PRKCE: variants seen among roughly 807,000 people sequenced by gnomAD.
PRKCE encodes protein kinase C epsilon.
Under a neutral mutation model 85.4 loss-of-function variants are expected in PRKCE, and 16 were observed. The observed-to-expected ratio is 0.19, with a 90% confidence interval of 0.13 to 0.28. PRKCE has a LOEUF of 0.28. Ranked by LOEUF, PRKCE falls within the 10% of genes least tolerant of loss-of-function variation. PRKCE has a pLI of 1.00. For missense variants in PRKCE, 573 were observed against 975.2 expected, an observed-to-expected ratio of 0.59 and a Z score of 5.49; for synonymous variants, 388 against 371.5, an observed-to-expected ratio of 1.04 and a Z score of -0.51.
intron 1 of PRKCE, among the ~76,000 whole-genome samples, chr2:45,723,370 T>C (rs1034693227): frequency 1.3e-5 from 2 of 152,170 alleles, no homozygotes; most frequent in African/African-American, 4.8e-5. Flanking sequence ...GTAATAAGCC[T>C]CAGGAGGCTT....
At chr2:45,752,439 C>T (rs1464798837) in intron 1 of PRKCE, among the ~76,000 whole-genome samples, 1 of 152,166 alleles carries the variant, frequency 6.6e-6, no homozygotes, top group African/African-American at 2.4e-5. Context: ...ATCGCCCTCC[C>T]TCCCCTCCCC....
chr2:45,928,395 G>A (rs1020314033), intron 2 of PRKCE, among the ~76,000 whole-genome samples: 1 of 152,188 alleles, frequency 6.6e-6, no homozygotes, highest in African/African-American at 2.4e-5. Context: ...AGCTTCCCGA[G>A]TAGCTGGGAT....
chr2:46,032,898 G>T (rs1034033883), intron 10 of PRKCE, among the ~76,000 whole-genome samples: 1 of 152,146 alleles, frequency 6.6e-6, no homozygotes, highest in Non-Finnish European at 1.5e-5. Context: ...TCAACTGTGA[G>T]AAAAGAGCTC....
chr2:45,981,892 T>C (rs892698772), intron 5 of PRKCE, among the ~76,000 whole-genome samples: 15 of 152,228 alleles, frequency 9.9e-5, no homozygotes, highest in African/African-American at 3.6e-4. Flanking sequence ...CTGCACTTTT[T>C]TGGAGGGAAA....
chr2:45,839,154 G>A (rs970308658), intron 1 of PRKCE, among the ~76,000 whole-genome samples: 1 of 151,822 alleles, frequency 6.6e-6, no homozygotes, highest in African/African-American at 2.4e-5. Flanking sequence ...TTTAACTAAG[G>A]TAAGGTGCCA....
At chr2:46,179,884 C>A (rs1679799208) in intron 14 of PRKCE, among the ~76,000 whole-genome samples, 1 of 152,166 alleles carries the variant, frequency 6.6e-6, no homozygotes, top group African/African-American at 2.4e-5. Context: ...CAAAACACCC[C>A]CTGACAGCAC....
Position 45,652,520 on chromosome 2 carries a change from A to G in PRKCE, c.348+72A>G. On this transcript the variant is annotated intron_variant, in intron 1 of 14. Transcript: ENST00000306156. The surrounding 1 kb of genome is among the most constrained non-coding windows in gnomAD (Gnocchi z 7.7). ...CCCGGGGAAAGACTCGCTGGTCTTGATCGTAGGGCTCCGGGACTTATTGAC... is the reference window on the plus strand; with the variant it reads ...CCCGGGGAAAGACTCGCTGGTCTTGGTCGTAGGGCTCCGGGACTTATTGAC... 1 of 1,384,254 alleles carries G rather than the reference A, an allele frequency of 7.2e-7. No individual in the cohort carries two copies. The highest frequency in any genetic ancestry group is 1.4e-5 in the South Asian group (1 of 73,180). 85.7% of individuals were successfully genotyped at this position (1,384,254 alleles called of 1,614,324 possible). A position where few individuals can be genotyped will look rare whatever the true frequency, so the allele number is the denominator to read the frequency against.
rs1428533345 is a variant in PRKCE at position 45,907,515 on chromosome 2, T to C, written c.412+64452T>C. On this transcript the variant is annotated intron_variant, in intron 2 of 14. Transcript: ENST00000306156. The surrounding 1 kb of genome is among the most constrained non-coding windows in gnomAD (Gnocchi z 4.5). The stretch of plus-strand genomic sequence containing the variant: ...ACGAAGCACACTTCTGAGGGCGTCA[T>C]CGCAGGCCCTGTTCATCTCTCCGGG... Among the ~76,000 whole-genome samples, 1 of 152,236 alleles carries C rather than the reference T, an allele frequency of 6.6e-6. No individual in the cohort carries two copies. Among genetic ancestry groups the C allele is most frequent in the African/African-American group, 2.4e-5 (1 of 41,460 alleles).
At chr2:46,002,114 G>C (rs1475933882) in intron 7 of PRKCE, among the ~76,000 whole-genome samples, 1 of 152,184 alleles carries the variant, frequency 6.6e-6, no homozygotes. Flanking sequence ...ATATCAGTAA[G>C]AAGAGATCCA....
chr2:46,172,674 A>C (rs1205904956), intron 14 of PRKCE, among the ~76,000 whole-genome samples: 6 of 152,216 alleles, frequency 3.9e-5, no homozygotes, highest in African/African-American at 1.4e-4. Context: ...GCTTAGATAC[A>C]CAGTCTACAT....
intron 8 of PRKCE, among the ~76,000 whole-genome samples, chr2:46,006,486 A>T (rs1053576719): frequency 7.2e-5 from 11 of 152,104 alleles, no homozygotes; most frequent in Non-Finnish European, 1.5e-5. Flanking sequence ...CCCTTATGGG[A>T]CTCTGTCCTT....
At chr2:45,928,915 C>G (rs1167614303) in intron 2 of PRKCE, among the ~76,000 whole-genome samples, 1 of 152,152 alleles carries the variant, frequency 6.6e-6, no homozygotes, top group Non-Finnish European at 1.5e-5. Flanking sequence ...TCTGGGGGCC[C>G]CTCTGTCAGC....
In PRKCE at chr2:46,007,563, C is replaced by T; in HGVS notation, c.1165C>T (p.Pro389Ser). The T allele has an allele frequency of 3.1e-6, 5 of 1,599,782 alleles. No individual in the cohort carries two copies. Among genetic ancestry groups the T allele is most frequent in the Non-Finnish European group, 4.2e-6 (5 of 1,179,964 alleles). Residue 389 changes from proline (P) to serine (S), a missense_variant, in exon 9 of 15, where the codon CCC (proline) becomes TCC (serine). Coordinates refer to ENST00000306156, the MANE Select transcript of PRKCE (RefSeq NM_005400.3). ...GTCTCCTGATGGCCAGCTGATGAGC[C>T]CCGGTGAGAATGGCGAAGTCCGGCA... The part of the protein sequence containing the change: ...ASSPDGQLMS[P>S]GENGEVRQGQ...
intron 1 of PRKCE, among the ~76,000 whole-genome samples, chr2:45,826,819 C>T (rs1337306609): frequency 6.6e-6 from 1 of 152,204 alleles, no homozygotes; most frequent in Non-Finnish European, 1.5e-5. Context: ...TGCAATCCCG[C>T]AGCAAATCCT....
intron 1 of PRKCE, among the ~76,000 whole-genome samples, chr2:45,707,582 C>T (rs1679218561): frequency 6.6e-6 from 1 of 152,190 alleles, no homozygotes; most frequent in Non-Finnish European, 1.5e-5. Context: ...TGTGCTTGTC[C>T]TTTTGGGAGA....
rs1680549471 is a variant in PRKCE, at chr2:46,187,747, C to G, written c.*2866C>G. On this transcript the variant is annotated 3_prime_UTR_variant, in exon 15 of 15. Transcript: ENST00000306156. ...AAAAAAGAAGGCTAAAAAATTACCTCTTTTTAAATTATGTGCAAAATAATT... is the reference window on the plus strand; with the variant it reads ...AAAAAAGAAGGCTAAAAAATTACCTGTTTTTAAATTATGTGCAAAATAATT... 1 of 148,378 alleles carries G rather than the reference C, an allele frequency of 6.7e-6. No individual in the cohort carries two copies. Among genetic ancestry groups the G allele is most frequent in the Admixed American group, 6.7e-5 (1 of 14,860 alleles). 9.2% of individuals were successfully genotyped at this position (148,378 alleles called of 1,614,324 possible).
chr2:46,017,421 A>T (rs1221327071), intron 10 of PRKCE, among the ~76,000 whole-genome samples: 3 of 152,216 alleles, frequency 2.0e-5, no homozygotes, highest in East Asian at 3.8e-4. Context: ...CTATTCTATC[A>T]TGTGTATAAT....
intron 2 of PRKCE, among the ~76,000 whole-genome samples, chr2:45,861,124 C>G (rs1693122293): frequency 1.3e-5 from 2 of 152,154 alleles, no homozygotes; most frequent in Admixed American, 1.3e-4. Context: ...TTGCTTCCTA[C>G]TCACTGGTTT....
intron 6 of PRKCE, among the ~76,000 whole-genome samples, chr2:45,996,372 T>C (rs1227224324): frequency 1.3e-5 from 2 of 152,206 alleles, no homozygotes; most frequent in Admixed American, 6.5e-5. Context: ...CTTGTCTTAC[T>C]GCATTAGTTA....
Sources: allele counts gnomAD v4.1 joint callset (sites outside exome capture counted in the v4.1 genomes callset), GRCh38; gene constraint gnomAD v4.1.1; non-coding constraint Gnocchi (gnomAD v3.1); transcripts MANE v1.5; gene names NCBI Gene and HGNC (gene_info 2026-07-23, HGNC 2026-07-21).